The following PAM variants were observed in gnomAD, a reference collection of about 807,000 sequenced individuals.
PAM encodes peptidyl-glycine alpha-amidating monooxygenase.
Under a neutral mutation model 122.1 loss-of-function variants are expected in PAM, and 72 were observed. That is an observed-to-expected ratio of 0.59 (90% CI 0.49 to 0.72). The LOEUF (loss-of-function observed/expected upper bound fraction) is 0.72, where lower values mean the gene tolerates loss of function less well. Ranked by LOEUF, PAM falls within the 30% of genes least tolerant of loss-of-function variation. The pLI is 0.00. For missense variants in PAM, 1,106 were observed against 1,183.7 expected (o/e 0.93, Z 0.96); for synonymous variants, 389 against 404.4 (o/e 0.96, Z 0.46).
At chr5:102,923,116 T>C (rs908543785) in intron 5 of PAM, among the ~76,000 whole-genome samples, 1 of 152,250 alleles carries the variant, frequency 6.6e-6, no homozygotes, top group Non-Finnish European at 1.5e-5. Flanking sequence ...ATCACTTTGC[T>C]AAGTATAACC....
In PAM at chr5:102,961,025, A is replaced by T. The variant is rs1358036056; in HGVS notation, c.1091-133A>T. 2.1e-5 allele frequency: 9 copies of T among 427,338 alleles called. No individual in the cohort carries two copies. In the East Asian group the frequency reaches 3.4e-4, roughly 16 times the overall value. 26.5% of individuals were successfully genotyped at this position (427,338 alleles called of 1,614,324 possible). A position where few individuals can be genotyped will look rare whatever the true frequency, so the allele number is the denominator to read the frequency against. On this transcript the variant is annotated intron_variant, in intron 13 of 25. Coordinates refer to ENST00000438793, the MANE Select transcript of PAM (RefSeq NM_001177306.2). ...TTATGAATTAGAGCATTTCTGTCTT[A>T]TAAATTCTTAATACGGTAATAAGCA...
chr5:102,887,041 G>C (rs1793341653), intron 3 of PAM, among the ~76,000 whole-genome samples: 1 of 152,012 alleles, frequency 6.6e-6, no homozygotes, highest in African/African-American at 2.4e-5. Context: ...AGAGTGCCAG[G>C]TACTTAGTAG....
At chr5:102,858,720 TAA>T (rs1384981638) in intron 1 of PAM, among the ~76,000 whole-genome samples, 1 of 152,198 alleles carries the variant, frequency 6.6e-6, no homozygotes, top group Non-Finnish European at 1.5e-5. Flanking sequence ...CAGTGAAAAT[TAA>T]AAGACTACAA....
At chr5:102,871,044 T>C (rs1190096246) in intron 3 of PAM, among the ~76,000 whole-genome samples, 1 of 152,240 alleles carries the variant, frequency 6.6e-6, no homozygotes, top group African/African-American at 2.4e-5. Context: ...ATAATTACAA[T>C]GGTTTTCCAT....
chr5:102,972,173 A>G (rs1426183891), intron 14 of PAM, among the ~76,000 whole-genome samples: 1 of 152,228 alleles, frequency 6.6e-6, no homozygotes, highest in Non-Finnish European at 1.5e-5. Flanking sequence ...CCCTAAACAC[A>G]GAGGTTGCAG....
chr5:102,985,444 C>A (rs948699534), intron 15 of PAM, among the ~76,000 whole-genome samples: 2 of 151,814 alleles, frequency 1.3e-5, no homozygotes, highest in Non-Finnish European at 1.5e-5. Context: ...TGTATGAAAA[C>A]TGTATTAGCA....
At chr5:103,014,616 C>G (rs1781491780) in intron 21 of PAM, among the ~76,000 whole-genome samples, 1 of 152,148 alleles carries the variant, frequency 6.6e-6, no homozygotes, top group African/African-American at 2.4e-5. Context: ...TCAAGTTTTA[C>G]ATAAGGGGGT....
intron 5 of PAM, among the ~76,000 whole-genome samples, chr5:102,915,649 T>A (rs1412114683): frequency 2.6e-5 from 4 of 152,170 alleles, no homozygotes; most frequent in Non-Finnish European, 5.9e-5. Flanking sequence ...CTTCTGAAAT[T>A]ACCAATATTT....
At chr5:102,997,595 A>G (rs762089151) in intron 16 of PAM, among the ~76,000 whole-genome samples, 1 of 151,886 alleles carries the variant, frequency 6.6e-6, no homozygotes, top group African/African-American at 2.4e-5. Context: ...TTCATTTGCT[A>G]TTTTTCTTCT....
chr5:102,966,544 T>C (rs1184135622), intron 14 of PAM, among the ~76,000 whole-genome samples: 1 of 152,150 alleles, frequency 6.6e-6, no homozygotes, highest in East Asian at 1.9e-4. Flanking sequence ...GTTTTATTTC[T>C]CTAAGGCTAG....
chr5:102,970,818 AT>A (rs1196463558), intron 14 of PAM, among the ~76,000 whole-genome samples: 1 of 151,274 alleles, frequency 6.6e-6, no homozygotes, highest in Admixed American at 6.6e-5. Context: ...TTACTTATTT[AT>A]TTTTTGAGAC....
In PAM at chr5:103,009,858, G is replaced by C. The variant is rs1245825751; in HGVS notation, c.2323G>C (p.Val775Leu). 4 of 1,560,108 alleles carry C rather than the reference G, an allele frequency of 2.6e-6. No homozygotes were observed. The highest frequency in any genetic ancestry group is 1.4e-5 in the African/African-American group (1 of 73,646). Residue 775 changes from valine to leucine, a missense_variant, in exon 21 of 26, where the codon GTG becomes CTG. This residue lies in a region of PAM where 333 missense variants were observed against 335.6 expected (regional missense o/e 0.99). Coordinates refer to ENST00000438793, the MANE Select transcript of PAM (RefSeq NM_001177306.2). ...GGAAATTATAGACATCTTCAAGCCA[G>C]TGCGCAAGGTATTTACACACATTGT... The part of the protein sequence containing the change: ...NGEIIDIFKP[V>L]RKHFDMPHDI...
At chr5:102,784,955 C>T (rs1760090671) in intron 1 of PAM, among the ~76,000 whole-genome samples, 1 of 152,144 alleles carries the variant, frequency 6.6e-6, no homozygotes, top group African/African-American at 2.4e-5. Flanking sequence ...ATCAGAATCA[C>T]CTGGAGGATT....
At chr5:102,957,872 G>A (rs1350743684) in intron 12 of PAM, among the ~76,000 whole-genome samples, 1 of 152,054 alleles carries the variant, frequency 6.6e-6, no homozygotes, top group Admixed American at 6.6e-5. Flanking sequence ...AGCATTTCAA[G>A]GACCAAAGTT....
intron 1 of PAM, among the ~76,000 whole-genome samples, chr5:102,829,227 C>T (rs549575253): frequency 2.0e-5 from 3 of 151,900 alleles, no homozygotes; most frequent in South Asian, 2.1e-4. Context: ...AATGTATTCT[C>T]GGTACACCAA....
At chr5:102,804,620 T>C (rs1561490853) in intron 1 of PAM, among the ~76,000 whole-genome samples, 2 of 152,218 alleles carry the variant, frequency 1.3e-5, no homozygotes, top group Non-Finnish European at 2.9e-5. Flanking sequence ...CCTTGGAACA[T>C]CTTAACTGGA....
rs559322467 is a variant in PAM at position 102,915,919 on chromosome 5, CTA to C, written c.356+1901_356+1902del. Among the ~76,000 whole-genome samples, 205 of 152,066 alleles carry C rather than the reference CTA, an allele frequency of 1.3e-3. 1 individual carries two copies. The highest frequency in any genetic ancestry group is 4.8e-3 in the African/African-American group (200 of 41,490). On this transcript the variant is annotated intron_variant, in intron 5 of 25. Transcript: ENST00000438793. ...TAAATAAACTATTCTGAAATTAAAT[CTA>C]TAAGATATATTGACCAAAAATCTTC...
intron 3 of PAM, among the ~76,000 whole-genome samples, chr5:102,871,856 A>C (rs894494231): frequency 2.6e-5 from 4 of 151,382 alleles, no homozygotes; most frequent in African/African-American, 9.7e-5. Flanking sequence ...GTACTTTCAA[A>C]TCCTAGGTTT....
chr5:102,780,813 TTCTTTCTTTCTTTCTTTCTTTCTCTG>T (rs1758674106), intron 1 of PAM, among the ~76,000 whole-genome samples: 1 of 141,536 alleles, frequency 7.1e-6, no homozygotes, highest in African/African-American at 2.7e-5. Flanking sequence ...CTTTCTTTCT[TTCTTTCTTTCTTTCTTTCTTTCTCTG>T]TCTTTCTCTC....
Sources: allele counts gnomAD v4.1 joint callset (sites outside exome capture counted in the v4.1 genomes callset), GRCh38; gene constraint gnomAD v4.1.1; regional missense constraint gnomAD v4.1.1; transcripts MANE v1.5; gene names NCBI Gene and HGNC (gene_info 2026-07-23, HGNC 2026-07-21).